Variants in CHRM2 observed in about 807,000 individuals in gnomAD.
CHRM2 encodes the protein cholinergic receptor muscarinic 2, also known as muscarinic acetylcholine receptor M2.
In CHRM2, 8 loss-of-function variants were observed where a neutral mutation model predicts 25.0. That is an observed-to-expected ratio of 0.32 (90% CI 0.19 to 0.58). CHRM2 has a LOEUF of 0.58. Among genes scored for constraint, CHRM2 ranks in the 20% least tolerant of loss-of-function variants. The pLI, the probability that CHRM2 is intolerant of heterozygous loss-of-function variation, is 0.88. For missense variants in CHRM2, 440 were observed against 567.1 expected (o/e 0.78, Z 2.28); for synonymous variants, 202 against 205.7 (o/e 0.98, Z 0.15).
In CHRM2 at chr7:136,912,567, TA is replaced by T. The variant is rs148880185; in HGVS notation, c.-125+43153del. Among the ~76,000 whole-genome samples, 829 of 151,912 alleles carry T rather than the reference TA, an allele frequency of 5.5e-3. 11 individuals carry two copies. The highest frequency in any genetic ancestry group is 0.018 in the African/African-American group (747 of 41,474). On this transcript the variant is annotated intron_variant, in intron 2 of 3. Coordinates refer to ENST00000680005, the MANE Select transcript of CHRM2 (RefSeq NM_001006630.2). ...GGTGGGAACAAGTCGTCAGGACATG[TA>T]AAAGGCCTCCTCTTTCTTATCTTAT...
chr7:136,935,098 T>C (rs1223405616), intron 2 of CHRM2, among the ~76,000 whole-genome samples: 1 of 152,134 alleles, frequency 6.6e-6, no homozygotes, highest in Non-Finnish European at 1.5e-5. Context: ...CTGATTAAAA[T>C]AAACAAAGTC....
At chr7:136,920,971 G>A (rs913472106) in intron 2 of CHRM2, among the ~76,000 whole-genome samples, 1 of 152,036 alleles carries the variant, frequency 6.6e-6, no homozygotes, top group African/African-American at 2.4e-5. Context: ...TCCCTTAGGG[G>A]CACCACTTTC....
chr7:136,908,645 G>A (rs987488040), intron 2 of CHRM2, among the ~76,000 whole-genome samples: 2 of 151,862 alleles, frequency 1.3e-5, no homozygotes, highest in African/African-American at 2.4e-5. Flanking sequence ...CAATGACTAA[G>A]TTTTGAATGA....
At chr7:136,885,531 G>A (rs938819286) in intron 2 of CHRM2, among the ~76,000 whole-genome samples, 7 of 152,222 alleles carry the variant, frequency 4.6e-5, no homozygotes, top group East Asian at 1.9e-4. Context: ...TACCAAGATC[G>A]TGTAAGTGCT....
intron 2 of CHRM2, among the ~76,000 whole-genome samples, chr7:136,888,038 C>T (rs1224307367): frequency 1.3e-5 from 2 of 152,080 alleles, no homozygotes; most frequent in Non-Finnish European, 2.9e-5. Flanking sequence ...TCCTGTGAGC[C>T]CTGAGGGGAG....
chr7:137,010,933 T>G (rs796306358), intron 3 of CHRM2, among the ~76,000 whole-genome samples: 11 of 152,086 alleles, frequency 7.2e-5, no homozygotes, highest in African/African-American at 2.4e-4. Flanking sequence ...TGTGTATAAC[T>G]GCAAGGTAAG....
chr7:137,009,797 C>T (rs1449747514), intron 3 of CHRM2, among the ~76,000 whole-genome samples: 1 of 151,970 alleles, frequency 6.6e-6, no homozygotes, highest in Non-Finnish European at 1.5e-5. Context: ...ATGCTCAAGA[C>T]ATGTTAATTA....
intron 2 of CHRM2, among the ~76,000 whole-genome samples, chr7:136,921,798 T>C (rs1563067596): frequency 7.0e-6 from 1 of 143,842 alleles, no homozygotes; most frequent in African/African-American, 2.7e-5. Flanking sequence ...TTCTTTCTTT[T>C]TTTTGAGACA....
chr7:136,985,504 CAAAAAAAAAAAA>C (rs974105875), intron 2 of CHRM2, among the ~76,000 whole-genome samples: 1 of 59,754 alleles, frequency 1.7e-5, no homozygotes, highest in South Asian at 9.5e-4. Context: ...AGTTAGACTC[CAAAAAAAAAAAA>C]AAAAAAAAAA....
chr7:136,927,698 T>C (rs973307107), intron 2 of CHRM2, among the ~76,000 whole-genome samples: 2 of 152,126 alleles, frequency 1.3e-5, no homozygotes, highest in East Asian at 3.9e-4. Flanking sequence ...AAATGACAAG[T>C]TGTTTGAGAT....
intron 3 of CHRM2, among the ~76,000 whole-genome samples, chr7:137,005,576 T>C (rs945395173): frequency 6.6e-6 from 1 of 152,036 alleles, no homozygotes; most frequent in Non-Finnish European, 1.5e-5. Flanking sequence ...AAACTGACTT[T>C]TGTTCCTCCC....
At position 137,016,769 on chromosome 7, in the gene CHRM2, T is replaced by A; in HGVS notation, c.*503T>A. The A allele has an allele frequency of 5.9e-6, 1 of 169,882 alleles. No individual in the cohort carries two copies. The highest frequency in any genetic ancestry group is 1.4e-5 in the Non-Finnish European group (1 of 70,066). 10.5% of individuals were successfully genotyped at this position (169,882 alleles called of 1,614,324 possible). A position where few individuals can be genotyped will look rare whatever the true frequency, so the allele number is the denominator to read the frequency against. On this transcript the variant is annotated 3_prime_UTR_variant, in exon 4 of 4. Coordinates refer to ENST00000680005, the MANE Select transcript of CHRM2 (RefSeq NM_001006630.2). ...AAGGATGCAGAAATTGTCTCCGGAG[T>A]GTTAAGCATATTTTATTCTTTTGTT... is the stretch of plus-strand genomic sequence containing the variant.
intron 2 of CHRM2, among the ~76,000 whole-genome samples, chr7:136,988,156 A>C (rs1451996995): frequency 1.3e-5 from 2 of 151,720 alleles, no homozygotes. Context: ...TCTTTAATAG[A>C]TACATATATC....
intron 2 of CHRM2, among the ~76,000 whole-genome samples, chr7:136,979,413 AT>A (rs1802333782): frequency 1.3e-5 from 2 of 152,034 alleles, no homozygotes; most frequent in Non-Finnish European, 2.9e-5. Flanking sequence ...CACTCTGATG[AT>A]AGTTTCTTTT....
At chr7:136,946,440 C>T (rs1004824892) in intron 2 of CHRM2, among the ~76,000 whole-genome samples, 3 of 152,104 alleles carry the variant, frequency 2.0e-5, no homozygotes, top group Non-Finnish European at 2.9e-5. Context: ...TCTAAAAAGA[C>T]TTCACTGGTG....
intron 3 of CHRM2, among the ~76,000 whole-genome samples, chr7:137,010,248 C>T (rs1243003466): frequency 1.3e-5 from 2 of 152,068 alleles, no homozygotes; most frequent in Non-Finnish European, 2.9e-5. Flanking sequence ...GTGGTTCTGT[C>T]TTCCCTGCCA....
chr7:136,925,052 A>G (rs185697692), intron 2 of CHRM2, among the ~76,000 whole-genome samples: 6 of 152,314 alleles, frequency 3.9e-5, no homozygotes, highest in African/African-American at 1.4e-4. Context: ...AAAATAATAT[A>G]AGCTATGATC....
intron 2 of CHRM2, among the ~76,000 whole-genome samples, chr7:136,979,532 C>T (rs770390817): frequency 4.9e-4 from 75 of 152,264 alleles, no homozygotes; most frequent in Non-Finnish European, 9.0e-4. Context: ...GGCCTATATC[C>T]GTAATGGTAT....
intron 2 of CHRM2, among the ~76,000 whole-genome samples, chr7:136,970,971 C>T (rs1801728411): frequency 6.6e-6 from 1 of 152,164 alleles, no homozygotes; most frequent in Non-Finnish European, 1.5e-5. Context: ...GAAGAAAATA[C>T]TTGACACAAT....
Sources: gnomAD v4.1 joint callset for allele counts (sites outside exome capture counted in the v4.1 genomes callset) on GRCh38, gnomAD v4.1.1 for gene constraint, MANE v1.5 for transcripts, NCBI Gene and HGNC (gene_info 2026-07-23, HGNC 2026-07-21) for gene names.